Variants in RARS2 observed in about 807,000 individuals in gnomAD.
RARS2 encodes the protein probable arginine--tRNA ligase, mitochondrial.
RARS2 carries 67 observed loss-of-function variants against 88.5 expected under a neutral mutation model. The observed-to-expected ratio is 0.76, with a 90% confidence interval of 0.62 to 0.93. RARS2 has a LOEUF of 0.93. RARS2 is among the 40% of genes least tolerant of loss of function. RARS2 has a pLI of 0.00. For missense variants in RARS2, 664 were observed against 684.2 expected (o/e 0.97, Z 0.33); for synonymous variants, 239 against 230.3 (o/e 1.04, Z -0.34).
chr6:87,541,737 T>C (rs1781031932), intron 8 of RARS2, among the ~76,000 whole-genome samples, 181 bp downstream of exon 8: 1 of 152,110 alleles, frequency 6.6e-6, no homozygotes, highest in Admixed American at 6.5e-5. Context: ...GGCATGAGAA[T>C]TGCTTGAACC....
intron 1 of RARS2, among the ~76,000 whole-genome samples, chr6:87,579,715 GTTTTTTTTTTTTTTTTT>G (rs35014020): frequency 1.7e-5 from 1 of 60,460 alleles, no homozygotes; most frequent in East Asian, 5.4e-4. Context: ...CATAGAGCAT[GTTTTTTTTTTTTTTTTT>G]TTTTTTTTTT....
At chr6:87,569,395 T>A (rs886729063) in intron 2 of RARS2, 122 bp downstream of exon 2, 1 of 751,772 alleles carries the variant, frequency 1.3e-6, no homozygotes, top group Non-Finnish European at 2.3e-6. Context: ...ATGAATCATA[T>A]CTTACAGTTA....
At chr6:87,585,000 T>A (rs72922577) in intron 1 of RARS2, among the ~76,000 whole-genome samples, 1 of 152,068 alleles carries the variant, frequency 6.6e-6, no homozygotes, top group Non-Finnish European at 1.5e-5. Flanking sequence ...AAAATAGAAA[T>A]CCTGCCCTTA....
chr6:87,576,714 C>A (rs547551278), intron 1 of RARS2, among the ~76,000 whole-genome samples: 19 of 151,814 alleles, frequency 1.3e-4, no homozygotes, highest in Admixed American at 7.9e-4. Flanking sequence ...TAACTATATT[C>A]TTTTCTATGA....
chr6:87,587,372 T>A (rs1457790393), intron 1 of RARS2, among the ~76,000 whole-genome samples: 1 of 152,220 alleles, frequency 6.6e-6, no homozygotes, highest in Non-Finnish European at 1.5e-5. Flanking sequence ...TTTTTCCCCA[T>A]GTCCTAACGT....
At chr6:87,555,100 AAAATAAATAAAT>A (rs71018037) in intron 5 of RARS2, among the ~76,000 whole-genome samples, 86 of 139,578 alleles carry the variant, frequency 6.2e-4, no homozygotes, top group African/African-American at 1.1e-3. Flanking sequence ...CTCCGTCTCA[AAAATAAATAAAT>A]AAATAAATAA....
intron 5 of RARS2, among the ~76,000 whole-genome samples, chr6:87,552,802 A>G (rs1784773240): frequency 6.6e-6 from 1 of 152,140 alleles, no homozygotes; most frequent in Non-Finnish European, 1.5e-5. Context: ...CAACTTTTCA[A>G]ATTTTAGGAA....
At chr6:87,552,324 C>A (rs1294764257) in intron 5 of RARS2, among the ~76,000 whole-genome samples, 1 of 152,128 alleles carries the variant, frequency 6.6e-6, no homozygotes, top group Non-Finnish European at 1.5e-5. Context: ...CCTGTCCCTA[C>A]CTATTTTGTC....
At chr6:87,530,178 C>A (rs1242982840) in intron 9 of RARS2, among the ~76,000 whole-genome samples, 5 of 152,144 alleles carry the variant, frequency 3.3e-5, no homozygotes, top group Non-Finnish European at 5.9e-5. Context: ...CTAGAGAAAT[C>A]CTAGAATCAT....
intron 1 of RARS2, among the ~76,000 whole-genome samples, chr6:87,579,228 T>C (rs1772608144): frequency 6.6e-6 from 1 of 152,118 alleles, no homozygotes; most frequent in South Asian, 2.1e-4. Flanking sequence ...TTGCCGTATA[T>C]GGGAATGACC....
At chr6:87,540,983 TAC>T (rs1055188840) in intron 8 of RARS2, among the ~76,000 whole-genome samples, 9 of 152,236 alleles carry the variant, frequency 5.9e-5, no homozygotes, top group Admixed American at 2.0e-4. Flanking sequence ...CTAATTGATA[TAC>T]AGTTATTACC....
chr6:87,556,375 G>A (rs955881628), intron 4 of RARS2, among the ~76,000 whole-genome samples: 1 of 151,906 alleles, frequency 6.6e-6, no homozygotes, highest in South Asian at 2.1e-4. Flanking sequence ...GTGCAATCAC[G>A]GCTCACTGAA....
chr6:87,563,766 T>C lies in RARS2; in HGVS notation c.213+364A>G, dbSNP rs530419228. On this transcript the variant is annotated intron_variant, in intron 3 of 19. Coordinates refer to ENST00000369536, the MANE Select transcript of RARS2 (RefSeq NM_020320.5). Reference sequence around the variant, plus strand: ...CTAATCATTTCTTCTCATATTTCAATGTTCATCTTTTCAGAAACTCATTTT... The same window carrying C: ...CTAATCATTTCTTCTCATATTTCAACGTTCATCTTTTCAGAAACTCATTTT... Among the ~76,000 whole-genome samples the C allele has an allele frequency of 3.9e-5, 6 of 152,368 alleles. No individual in the cohort carries two copies. In the South Asian group the frequency reaches 8.3e-4, roughly 21 times the overall value.
intron 1 of RARS2, among the ~76,000 whole-genome samples, chr6:87,582,034 C>G (rs149917602): frequency 2.8e-3 from 422 of 152,200 alleles, no homozygotes; most frequent in Non-Finnish European, 5.2e-3. Context: ...GATTCCATGT[C>G]TTTGCTATTG....
At chr6:87,586,749 G>C (rs921818265) in intron 1 of RARS2, among the ~76,000 whole-genome samples, 1 of 152,108 alleles carries the variant, frequency 6.6e-6, no homozygotes, top group African/African-American at 2.4e-5. Flanking sequence ...ATGCTCATTC[G>C]CAAAGGTATT....
rs111456931 is a variant in RARS2 at position 87,586,740 on chromosome 6, T to G, written c.36+3182A>C. Among the ~76,000 whole-genome samples, 11 of 152,288 alleles carry G rather than the reference T, an allele frequency of 7.2e-5. 1 individual carries two copies. Among genetic ancestry groups the G allele is most frequent in the African/African-American group, 2.6e-4 (11 of 41,550 alleles). ...TTCCTAAACTATTATAGCAAAACGA[T>G]GCTCATTCGCAAAGGTATTAAATAC... On this transcript the variant is annotated intron_variant, in intron 1 of 19. Coordinates refer to ENST00000369536, the MANE Select transcript of RARS2 (RefSeq NM_020320.5).
intron 12 of RARS2, among the ~76,000 whole-genome samples, chr6:87,521,093 G>A (rs1348328827): frequency 1.3e-5 from 2 of 151,986 alleles, no homozygotes; most frequent in Non-Finnish European, 2.9e-5. Context: ...TCTTTGGGGG[G>A]AAACACCGTA....
intron 4 of RARS2, among the ~76,000 whole-genome samples, chr6:87,557,262 T>C (rs1310002521): frequency 3.3e-5 from 5 of 152,208 alleles, no homozygotes; most frequent in Admixed American, 6.5e-5. Flanking sequence ...TTGACTCACA[T>C]TGTGCAATAA....
chr6:87,520,391 C>A (rs1773452040), intron 12 of RARS2, 135 bp from the exon 13 acceptor site: 2 of 699,374 alleles, frequency 2.9e-6, no homozygotes, highest in Non-Finnish European at 4.9e-6. Flanking sequence ...TAACTAAACA[C>A]AAAGAGGATG....
Sources: gnomAD v4.1 joint callset for allele counts (sites outside exome capture counted in the v4.1 genomes callset) on GRCh38, gnomAD v4.1.1 for gene constraint, MANE v1.5 for transcripts, NCBI Gene and HGNC (gene_info 2026-07-23, HGNC 2026-07-21) for gene names.